Variants in ZNF385D observed in about 807,000 individuals in gnomAD.
ZNF385D encodes the protein zinc finger protein 385D.
ZNF385D carries 15 observed loss-of-function variants against 35.8 expected under a neutral mutation model. That is an observed-to-expected ratio of 0.42 (90% CI 0.28 to 0.64). ZNF385D has a LOEUF of 0.64. Ranked by LOEUF, ZNF385D falls within the 30% of genes least tolerant of loss-of-function variation. The pLI is 0.23. For synonymous variants in ZNF385D, 212 were observed against 186.8 expected, an observed-to-expected ratio of 1.13 and a Z score of -1.10; for missense variants, 474 against 494.6, an observed-to-expected ratio of 0.96 and a Z score of 0.39.
intron 3 of ZNF385D, among the ~76,000 whole-genome samples, chr3:21,559,603 C>T (rs1192164515): frequency 1.3e-5 from 2 of 152,148 alleles, no homozygotes; most frequent in East Asian, 3.9e-4. Context: ...TTTTTTCCTT[C>T]ATTTCAACCT....
intron 3 of ZNF385D, among the ~76,000 whole-genome samples, chr3:21,900,411 C>G (rs1277019005): frequency 6.6e-6 from 1 of 151,972 alleles, no homozygotes; most frequent in Non-Finnish European, 1.5e-5. Context: ...ACATTGTGAC[C>G]TCTTTATAAT....
chr3:21,855,699 G>C (rs1297215521), intron 3 of ZNF385D, among the ~76,000 whole-genome samples: 1 of 151,932 alleles, frequency 6.6e-6, no homozygotes, highest in East Asian at 1.9e-4. Flanking sequence ...TTAACTGTTT[G>C]TGCTAAAAGG....
intron 3 of ZNF385D, among the ~76,000 whole-genome samples, chr3:21,762,928 C>T (rs2070682946): frequency 6.6e-6 from 1 of 152,160 alleles, no homozygotes; most frequent in Non-Finnish European, 1.5e-5. Context: ...TTCCTCTTCT[C>T]CCTTCCACAG....
chr3:21,648,370 T>G (rs540560155), intron 2 of ZNF385D, among the ~76,000 whole-genome samples: 1 of 152,296 alleles, frequency 6.6e-6, no homozygotes, highest in African/African-American at 2.4e-5. Flanking sequence ...CATGTGGAAC[T>G]GAGAATCAAT....
intron 3 of ZNF385D, among the ~76,000 whole-genome samples, chr3:21,846,629 G>T (rs1386022): frequency 6.6e-6 from 1 of 151,934 alleles, no homozygotes; most frequent in East Asian, 1.9e-4. Flanking sequence ...GTACTACTGC[G>T]GTGGAGGGGC....
chr3:22,184,394 A>C lies in ZNF385D; in HGVS notation c.107-15359T>G, dbSNP rs556402335. Among the ~76,000 whole-genome samples, 204 of 152,064 alleles carry C rather than the reference A, an allele frequency of 1.3e-3. 1 individual carries two copies. The highest frequency in any genetic ancestry group is 4.7e-3 in the African/African-American group (194 of 41,440). Reference sequence around the variant, plus strand: ...GAGATAAATCATTTCAACATGTTTTATCATTTAATTTTCCTCTCATTGTGG... The same window carrying C: ...GAGATAAATCATTTCAACATGTTTTCTCATTTAATTTTCCTCTCATTGTGG... On this transcript the variant is annotated intron_variant, in intron 2 of 5. Transcript: ENST00000494108.
intron 2 of ZNF385D, among the ~76,000 whole-genome samples, chr3:22,326,436 C>G (rs1181030787): frequency 3.3e-5 from 5 of 152,144 alleles, no homozygotes; most frequent in Admixed American, 3.3e-4. Flanking sequence ...CAGGCATTTT[C>G]TGCATGTGGC....
At position 22,189,136 on chromosome 3, in the gene ZNF385D, TA is replaced by T. The variant is rs375224603; in HGVS notation, c.107-20102del. Among the ~76,000 whole-genome samples the T allele has an allele frequency of 1.5e-3, 232 of 152,300 alleles. 1 individual carries two copies. The highest frequency in any genetic ancestry group is 5.2e-3 in the African/African-American group (216 of 41,572). On this transcript the variant is annotated intron_variant, in intron 2 of 5. Transcript: ENST00000494108. ...AGGTGGAATTCTTGTCTTTTAGGGT[TA>T]AGTTTTGCTCATATACTAAAGTTGG...
At chr3:22,066,424 G>A (rs1424945705) in intron 3 of ZNF385D, among the ~76,000 whole-genome samples, 5 of 146,298 alleles carry the variant, frequency 3.4e-5, no homozygotes, top group South Asian at 2.2e-4. Flanking sequence ...GTGTGTCTGC[G>A]TGTATAAGTA....
intron 3 of ZNF385D, among the ~76,000 whole-genome samples, chr3:21,913,567 C>T (rs993720947): frequency 1.3e-5 from 2 of 152,084 alleles, no homozygotes; most frequent in Admixed American, 6.6e-5. Flanking sequence ...AGCAACTCAT[C>T]ATTTTATTTT....
chr3:21,790,580 G>C (rs1028375898), intron 3 of ZNF385D, among the ~76,000 whole-genome samples: 2 of 152,184 alleles, frequency 1.3e-5, no homozygotes, highest in South Asian at 2.1e-4. Context: ...GGGCACAGAA[G>C]ATGTGCAGTC....
intron 2 of ZNF385D, among the ~76,000 whole-genome samples, chr3:22,292,355 C>G (rs1445689674): frequency 6.6e-6 from 1 of 151,932 alleles, no homozygotes; most frequent in African/African-American, 2.4e-5. Context: ...GATATTTCAC[C>G]AATGTAATCT....
At chr3:21,773,141 C>T (rs558733816) in intron 3 of ZNF385D, among the ~76,000 whole-genome samples, 2 of 151,796 alleles carry the variant, frequency 1.3e-5, no homozygotes, top group African/African-American at 4.8e-5. Context: ...GTAATGGTTG[C>T]ACAACATTAT....
At chr3:21,616,715 T>A (rs1478186474) in intron 2 of ZNF385D, among the ~76,000 whole-genome samples, 2 of 152,206 alleles carry the variant, frequency 1.3e-5, no homozygotes, top group Non-Finnish European at 2.9e-5. Flanking sequence ...ATAGTGAACA[T>A]CTCTGGAAAT....
At chr3:22,332,526 A>G (rs1694986035) in intron 2 of ZNF385D, among the ~76,000 whole-genome samples, 2 of 152,194 alleles carry the variant, frequency 1.3e-5, no homozygotes, top group Admixed American at 1.3e-4. Flanking sequence ...ACAGGTTTGT[A>G]TTAAAAGACA....
intron 4 of ZNF385D, among the ~76,000 whole-genome samples, chr3:21,460,927 A>G (rs1703128591): frequency 1.3e-5 from 2 of 152,156 alleles, no homozygotes; most frequent in South Asian, 4.1e-4. Flanking sequence ...TTTGTTTAGC[A>G]CTGTACAGTG....
At chr3:22,256,448 A>AT (rs1223772558) in intron 2 of ZNF385D, among the ~76,000 whole-genome samples, 2 of 151,330 alleles carry the variant, frequency 1.3e-5, no homozygotes, top group African/African-American at 2.4e-5. Flanking sequence ...TGAATTGATC[A>AT]TTTTTTTTAG....
rs140994191 is a variant in ZNF385D at position 21,785,885 on chromosome 3, C to T, written c.326-120857G>A. ...CAATTGCTTTTCCCCACTGATTAGC[C>T]TGCAATCACATAAACTCAATACTTC... On this transcript the variant is annotated intron_variant, in intron 3 of 5. Transcript: ENST00000494108. 8.4e-3 allele frequency among the ~76,000 whole-genome samples: 1,278 copies of T among 152,290 alleles called. 8 individuals carry two copies. The highest frequency in any genetic ancestry group is 0.013 in the Non-Finnish European group (872 of 68,030).
At chr3:21,476,010 T>C (rs753812893) in intron 4 of ZNF385D, among the ~76,000 whole-genome samples, 7 of 152,134 alleles carry the variant, frequency 4.6e-5, no homozygotes, top group Non-Finnish European at 7.4e-5. Context: ...TTCTCAGAAG[T>C]TGCTGGTCAT....
Sources: gnomAD v4.1 joint callset for allele counts (sites outside exome capture counted in the v4.1 genomes callset) on GRCh38, gnomAD v4.1.1 for gene constraint, MANE v1.5 for transcripts, NCBI Gene and HGNC (gene_info 2026-07-23, HGNC 2026-07-21) for gene names.